The following ADGRB3 variants were observed in gnomAD, a reference collection of about 807,000 sequenced individuals.
ADGRB3 encodes the protein adhesion G protein-coupled receptor B3, also known as brain-specific angiogenesis inhibitor 3.
Under a neutral mutation model 193.4 loss-of-function variants are expected in ADGRB3, and 37 were observed. The observed-to-expected ratio is 0.19, with a 90% CI of 0.15 to 0.25. The LOEUF is 0.25. ADGRB3 is among the 10% of genes least tolerant of loss of function. The pLI, the probability that ADGRB3 is intolerant of heterozygous loss-of-function variation, is 1.00. For missense variants in ADGRB3, 1,637 were observed against 1,852.9 expected (o/e 0.88, Z 2.14); for synonymous variants, 690 against 644.2 (o/e 1.07, Z -1.08).
intron 17 of ADGRB3, among the ~76,000 whole-genome samples, chr6:69,166,425 C>T (rs1292858932): frequency 2.0e-5 from 3 of 152,086 alleles, no homozygotes; most frequent in Non-Finnish European, 2.9e-5. Context: ...TTTCAAGAAT[C>T]ATCAGTCTCT....
intron 8 of ADGRB3, among the ~76,000 whole-genome samples, chr6:68,965,808 C>A (rs1318960397): frequency 3.3e-5 from 5 of 152,114 alleles, no homozygotes; most frequent in Non-Finnish European, 5.9e-5. Context: ...AGAGAGAATC[C>A]TTCCTATTGC....
chr6:68,794,320 A>T (rs1562032657), intron 3 of ADGRB3, among the ~76,000 whole-genome samples: 3 of 151,898 alleles, frequency 2.0e-5, no homozygotes, highest in South Asian at 4.2e-4. Flanking sequence ...TATATATATA[A>T]AATACACACT....
intron 17 of ADGRB3, among the ~76,000 whole-genome samples, chr6:69,230,959 G>C (rs768670386): frequency 2.0e-5 from 3 of 152,196 alleles, no homozygotes; most frequent in Non-Finnish European, 4.4e-5. Flanking sequence ...AGAATGATAA[G>C]GACAGAGGTG....
chr6:69,354,910 A>T (rs1769307196), intron 27 of ADGRB3, among the ~76,000 whole-genome samples: 1 of 152,226 alleles, frequency 6.6e-6, no homozygotes, highest in Admixed American at 6.5e-5. Flanking sequence ...AACCACTTTG[A>T]TGTATTTTAG....
intron 13 of ADGRB3, among the ~76,000 whole-genome samples, chr6:69,040,088 T>C (rs1770985252): frequency 6.6e-6 from 1 of 152,152 alleles, no homozygotes; most frequent in Non-Finnish European, 1.5e-5. Context: ...GGATCAATAA[T>C]GAGAGTGGTG....
intron 20 of ADGRB3, among the ~76,000 whole-genome samples, chr6:69,315,217 GGAAAGAGCACATGT>G (rs1410321248): frequency 6.6e-6 from 1 of 151,452 alleles, no homozygotes; most frequent in Non-Finnish European, 1.5e-5. Flanking sequence ...ATGTTATAGT[GGAAAGAGCACATGT>G]GCTTCTTTAT....
chr6:69,324,819 A>AT (rs1768533923), intron 20 of ADGRB3, 53 bp from the exon 21 acceptor site: 9 of 1,583,938 alleles, frequency 5.7e-6, no homozygotes, highest in Non-Finnish European at 7.8e-6. Flanking sequence ...AGAACATATC[A>AT]TTTTCCCTCT....
intron 17 of ADGRB3, among the ~76,000 whole-genome samples, chr6:69,184,045 TA>T (rs1477205380): frequency 3.1e-4 from 47 of 152,188 alleles, no homozygotes; most frequent in African/African-American, 1.1e-3. Context: ...AATGAGAGGG[TA>T]AAAAATTTTT....
chr6:68,991,074 G>A (rs1426447264), intron 10 of ADGRB3, among the ~76,000 whole-genome samples: 3 of 152,070 alleles, frequency 2.0e-5, no homozygotes, highest in East Asian at 1.9e-4. Context: ...AGCACCAGAC[G>A]TTTTTCAGCT....
intron 3 of ADGRB3, among the ~76,000 whole-genome samples, chr6:68,640,155 A>G (rs1768051440): frequency 1.3e-5 from 2 of 152,194 alleles, no homozygotes; most frequent in Admixed American, 6.5e-5. Context: ...GTGCAATGAA[A>G]ACACATAGTG....
chr6:69,134,536 T>G (rs1774099190), intron 17 of ADGRB3, among the ~76,000 whole-genome samples: 1 of 152,064 alleles, frequency 6.6e-6, no homozygotes, highest in Admixed American at 6.6e-5. Flanking sequence ...TCTTACTACC[T>G]TTCTTAGTTC....
intron 5 of ADGRB3, among the ~76,000 whole-genome samples, chr6:68,939,640 G>A (rs189057115): frequency 1.3e-5 from 2 of 152,002 alleles, no homozygotes; most frequent in Non-Finnish European, 2.9e-5. Context: ...TCTGGTTATG[G>A]TATTTGTTAT....
chr6:68,754,377 G>A (rs1433731758), intron 3 of ADGRB3, among the ~76,000 whole-genome samples: 2 of 152,078 alleles, frequency 1.3e-5, no homozygotes, highest in Admixed American at 6.6e-5. Context: ...AAGTGTAACT[G>A]AAAATCAAAA....
At chr6:69,358,602 C>A (rs759004169) in intron 28 of ADGRB3, among the ~76,000 whole-genome samples, 1 of 151,908 alleles carries the variant, frequency 6.6e-6, no homozygotes, top group Non-Finnish European at 1.5e-5. Flanking sequence ...TATGTTGAAG[C>A]GTATTCATGA....
intron 17 of ADGRB3, among the ~76,000 whole-genome samples, chr6:69,155,097 CTT>C (rs1468483935): frequency 6.6e-6 from 1 of 152,194 alleles, no homozygotes; most frequent in African/African-American, 2.4e-5. Context: ...AAATTCAAGA[CTT>C]GATTTATTAA....
At chr6:69,191,893 T>C (rs1454364620) in intron 17 of ADGRB3, among the ~76,000 whole-genome samples, 2 of 152,158 alleles carry the variant, frequency 1.3e-5, no homozygotes, top group Non-Finnish European at 2.9e-5. Flanking sequence ...CAAGCACTTC[T>C]GAAACAACCG....
chr6:68,853,759 A>T (rs1768453344), intron 3 of ADGRB3, among the ~76,000 whole-genome samples: 1 of 152,088 alleles, frequency 6.6e-6, no homozygotes, highest in Non-Finnish European at 1.5e-5. Flanking sequence ...AAAAAGTAAA[A>T]CCTAAAAAGA....
chr6:69,257,608 A>G (rs1481685523), intron 20 of ADGRB3, among the ~76,000 whole-genome samples: 1 of 152,234 alleles, frequency 6.6e-6, no homozygotes, highest in Non-Finnish European at 1.5e-5. Context: ...CTAGAAAGTG[A>G]TGATAAACTC....
chr6:69,090,568 A>T (rs1045047615), intron 17 of ADGRB3, among the ~76,000 whole-genome samples: 1 of 152,208 alleles, frequency 6.6e-6, no homozygotes, highest in African/African-American at 2.4e-5. Context: ...TTCAAGAACC[A>T]TTCATTGGGT....
Sources: allele counts gnomAD v4.1 joint callset (sites outside exome capture counted in the v4.1 genomes callset), GRCh38; gene constraint gnomAD v4.1.1; transcripts MANE v1.5; gene names NCBI Gene and HGNC (gene_info 2026-07-23, HGNC 2026-07-21).